The following COL6A5 variants were observed in gnomAD, a reference collection of about 807,000 sequenced individuals.
COL6A5 encodes the protein collagen alpha-5(VI) chain.
In COL6A5, 48 loss-of-function variants were observed where a neutral mutation model predicts 65.6. The ratio of observed to expected loss-of-function variants is 0.73; its 90% CI spans 0.58 to 0.93. The LOEUF is 0.93. Among genes scored for constraint, COL6A5 ranks in the 40% least tolerant of loss-of-function variants. COL6A5 has a pLI of 0.00. For missense variants in COL6A5, 914 were observed against 928.3 expected (o/e 0.98, Z 0.20); for synonymous variants, 291 against 322.8 (o/e 0.90, Z 1.05).
chr3:130,419,472 CA>C (rs1409943215), intron 25 of COL6A5, among the ~76,000 whole-genome samples: 1 of 152,066 alleles, frequency 6.6e-6, no homozygotes, highest in Non-Finnish European at 1.5e-5. Context: ...TTACCAAGCA[CA>C]AACATTTTTC....
At chr3:130,471,063 A>C in intron 7 of COL6A5, 96 bp downstream of exon 39, 1 of 863,348 alleles carries the variant, frequency 1.2e-6, no homozygotes, top group East Asian at 2.7e-5. Flanking sequence ...TCAAGATCCA[A>C]GTGTGTGTTT....
intron 29 of COL6A5, among the ~76,000 whole-genome samples, chr3:130,425,226 C>T (rs1165932887): frequency 1.3e-5 from 2 of 152,114 alleles, no homozygotes; most frequent in African/African-American, 4.8e-5. Flanking sequence ...GATGCCACAA[C>T]AGTTCGGATT....
chr3:130,387,042 C>A (rs925074602), intron 5 of COL6A5, among the ~76,000 whole-genome samples: 2 of 152,020 alleles, frequency 1.3e-5, no homozygotes, highest in Non-Finnish European at 2.9e-5. Flanking sequence ...TAGTCCAGGT[C>A]TAGTAGAGAG....
intron 1 of COL6A5, among the ~76,000 whole-genome samples, chr3:130,436,667 C>T (rs1391728199): frequency 7.0e-6 from 1 of 142,396 alleles, no homozygotes; most frequent in Non-Finnish European, 1.6e-5. Context: ...GTTGATCTTG[C>T]CTTTCTCTGG....
chr3:130,395,725 C>T (rs775672387), intron 8 of COL6A5, among the ~76,000 whole-genome samples: 18 of 152,162 alleles, frequency 1.2e-4, no homozygotes, highest in Non-Finnish European at 1.8e-4. Context: ...TGTTCCCTCA[C>T]GGCAATCCAG....
intron 8 of COL6A5, 139 bp downstream of exon 8, chr3:130,395,604 A>G: frequency 1.4e-6 from 1 of 737,416 alleles, no homozygotes; most frequent in Admixed American, 3.1e-5. Context: ...TTGTGCAATG[A>G]GAAGAGACTT....
chr3:130,447,611 C>T (rs532553478), intron 4 of COL6A5, among the ~76,000 whole-genome samples: 2 of 152,100 alleles, frequency 1.3e-5, no homozygotes, highest in African/African-American at 4.8e-5. Context: ...TGGCAAACCG[C>T]GTGTTGTAAC....
chr3:130,375,339 G>C (rs866416929), intron 2 of COL6A5, among the ~76,000 whole-genome samples: 1 of 152,090 alleles, frequency 6.6e-6, no homozygotes, highest in Non-Finnish European at 1.5e-5. Context: ...CAAAAAACTG[G>C]CCCTCTTGCC....
intron 1 of COL6A5, among the ~76,000 whole-genome samples, chr3:130,351,710 G>T (rs1445306093): frequency 1.3e-5 from 2 of 152,242 alleles, no homozygotes. Context: ...CTGTTGGTCA[G>T]AGTGTTTATT....
In COL6A5 at chr3:130,426,081, A is replaced by G. The variant is rs1937596218; in HGVS notation, c.5164-133A>G. Reference sequence around the variant, plus strand: ...ATATGGCAATTAATCCACTGGGTTCAGGAATATTTTAACTACTCTCTACCA... The same window carrying G: ...ATATGGCAATTAATCCACTGGGTTCGGGAATATTTTAACTACTCTCTACCA... On this transcript the variant is annotated intron_variant and NMD_transcript_variant, in intron 29 of 41. Transcript: ENST00000312481. 30 of 787,844 alleles carry G rather than the reference A, an allele frequency of 3.8e-5. 1 individual carries two copies. The South Asian group carries it at 3.9e-4, about 10-fold the overall frequency. 48.8% of individuals were successfully genotyped at this position (787,844 alleles called of 1,614,324 possible). A position where few individuals can be genotyped will look rare whatever the true frequency, so the allele number is the denominator to read the frequency against.
chr3:130,397,863 C>A lies in COL6A5; in HGVS notation c.3849C>A (p.Asn1283Lys), dbSNP rs74695611. 3.0e-5 allele frequency: 46 copies of A among 1,551,646 alleles called. No homozygotes were observed. In the African/African-American group the frequency reaches 5.6e-4, roughly 19 times the overall value. Residue 1283 changes from asparagine to lysine, a missense_variant and NMD_transcript_variant, in exon 9 of 42, where the codon AAC becomes AAA. Asn to Lys is a moderately conservative substitution (Grantham distance 94, BLOSUM62 0). Coordinates refer to the COL6A5 transcript ENST00000312481. Reference sequence around the variant, plus strand: ...ACGTCAGTGGGCCAACTCATCTGAACGCACAGTTCTTGCGGTCTCTTTGGG... The same window carrying A: ...ACGTCAGTGGGCCAACTCATCTGAAAGCACAGTTCTTGCGGTCTCTTTGGG...
At chr3:130,363,709 A>T (rs1935223690) in intron 1 of COL6A5, among the ~76,000 whole-genome samples, 1 of 152,168 alleles carries the variant, frequency 6.6e-6, no homozygotes. Context: ...AGTTTGATAG[A>T]GCTCCCTGAG....
At chr3:130,366,961 A>C (rs546583485) in intron 1 of COL6A5, among the ~76,000 whole-genome samples, 3 of 152,314 alleles carry the variant, frequency 2.0e-5, no homozygotes, top group African/African-American at 7.2e-5. Context: ...TCATCTTTTC[A>C]TGCCACTGTC....
chr3:130,426,634 A>G (rs1937608714), upstream of COL6A5, among the ~76,000 whole-genome samples: 1 of 152,178 alleles, frequency 6.6e-6, no homozygotes, highest in African/African-American at 2.4e-5. Context: ...TCAAGAGAAA[A>G]CATGCATATA....
chr3:130,366,985 T>C (rs540704830), intron 1 of COL6A5, among the ~76,000 whole-genome samples: 36 of 152,322 alleles, frequency 2.4e-4, no homozygotes, highest in African/African-American at 7.9e-4. Context: ...GCTCCCCAAA[T>C]AGATTGTGTG....
intron 1 of COL6A5, among the ~76,000 whole-genome samples, chr3:130,362,757 G>T (rs538012393): frequency 1.7e-4 from 26 of 152,226 alleles, no homozygotes; most frequent in Middle Eastern, 3.4e-3. Context: ...TTCTATCCAT[G>T]AACATGGAAT....
At chr3:130,405,430 A>C (rs1378474789) in intron 13 of COL6A5, among the ~76,000 whole-genome samples, 158 bp from the exon 14 acceptor site, 1 of 152,140 alleles carries the variant, frequency 6.6e-6, no homozygotes, top group African/African-American at 2.4e-5. Context: ...ACAGACATAA[A>C]TGAGTGAGGA....
chr3:130,438,407 G>C (rs1469883665), intron 1 of COL6A5, among the ~76,000 whole-genome samples: 1 of 151,496 alleles, frequency 6.6e-6, no homozygotes, highest in African/African-American at 2.4e-5. Context: ...GTGAATGAGT[G>C]AATGAATGAA....
chr3:130,436,822 A>G (rs1229616146), intron 1 of COL6A5, among the ~76,000 whole-genome samples: 1 of 152,068 alleles, frequency 6.6e-6, no homozygotes, highest in Non-Finnish European at 1.5e-5. Context: ...CCCAAAGCCC[A>G]TTCTTTAGCC....
Sources: gnomAD v4.1 joint callset for allele counts (sites outside exome capture counted in the v4.1 genomes callset) on GRCh38, gnomAD v4.1.1 for gene constraint, MANE v1.5 for transcripts, NCBI Gene and HGNC (gene_info 2026-07-23, HGNC 2026-07-21) for gene names.